OSBPL1A: variants seen among roughly 807,000 people sequenced by gnomAD.
The protein encoded by OSBPL1A is oxysterol-binding protein-related protein 1.
Under a neutral mutation model 137.1 loss-of-function variants are expected in OSBPL1A, and 80 were observed. The observed-to-expected ratio is 0.58, with a 90% confidence interval of 0.49 to 0.70. OSBPL1A has a LOEUF of 0.70. OSBPL1A is among the 30% of genes least tolerant of loss of function. OSBPL1A has a pLI of 0.00. For synonymous variants in OSBPL1A, 365 were observed against 389.7 expected (o/e 0.94, Z 0.75); for missense variants, 970 against 1,129.4 (o/e 0.86, Z 2.02).
chr18:24,187,381 G>A (rs2086779059), intron 18 of OSBPL1A, among the ~76,000 whole-genome samples: 1 of 152,068 alleles, frequency 6.6e-6, no homozygotes, highest in African/African-American at 2.4e-5. Context: ...TGGTGAAGGT[G>A]GTGCCTTTTT....
At chr18:24,294,640 T>G (rs1216244316) in intron 14 of OSBPL1A, among the ~76,000 whole-genome samples, 1 of 152,188 alleles carries the variant, frequency 6.6e-6, no homozygotes, top group African/African-American at 2.4e-5. Context: ...CACTTATAAA[T>G]GAGAACAAAT....
At chr18:24,307,280 C>T (rs2090522139) in intron 13 of OSBPL1A, among the ~76,000 whole-genome samples, 1 of 151,984 alleles carries the variant, frequency 6.6e-6, no homozygotes. Context: ...GAGACCCTGT[C>T]TCAAAAAGAA....
chr18:24,207,695 G>C (rs1408627982), intron 17 of OSBPL1A, among the ~76,000 whole-genome samples: 1 of 152,138 alleles, frequency 6.6e-6, no homozygotes, highest in African/African-American at 2.4e-5. Context: ...GCACTTGTGT[G>C]TGTATAACTA....
At chr18:24,212,909 G>C (rs2087585794) in intron 17 of OSBPL1A, among the ~76,000 whole-genome samples, 1 of 152,168 alleles carries the variant, frequency 6.6e-6, no homozygotes, top group South Asian at 2.1e-4. Context: ...ATTTAGGCTG[G>C]TCTTAAAGAA....
chr18:24,251,091 A>G (rs1373081374), intron 15 of OSBPL1A, among the ~76,000 whole-genome samples: 1 of 152,188 alleles, frequency 6.6e-6, no homozygotes, highest in Non-Finnish European at 1.5e-5. Context: ...TAGCCACAGT[A>G]GAATAGGACA....
chr18:24,176,145 C>A (rs193076099), intron 21 of OSBPL1A, among the ~76,000 whole-genome samples: 64 of 152,316 alleles, frequency 4.2e-4, no homozygotes, highest in African/African-American at 1.5e-3. Flanking sequence ...CCTTTCCATA[C>A]AAACTTAGAA....
intron 15 of OSBPL1A, among the ~76,000 whole-genome samples, chr18:24,256,623 G>T (rs2089282472): frequency 6.6e-6 from 1 of 152,020 alleles, no homozygotes; most frequent in East Asian, 1.9e-4. Context: ...AGAGCAATCA[G>T]ACAATAGAAA....
chr18:24,370,237 A>C (rs966359020), intron 2 of OSBPL1A, among the ~76,000 whole-genome samples: 2 of 151,718 alleles, frequency 1.3e-5, no homozygotes, highest in Non-Finnish European at 2.9e-5. Flanking sequence ...ACAACAAAAA[A>C]CCCACTACTG....
intron 5 of OSBPL1A, among the ~76,000 whole-genome samples, 167 bp downstream of exon 5, chr18:24,341,380 A>G (rs1342867174): frequency 6.6e-6 from 1 of 152,194 alleles, no homozygotes; most frequent in East Asian, 1.9e-4. Flanking sequence ...TGAAGAAACT[A>G]TCATATAGAT....
Position 24,323,985 on chromosome 18 carries a change from T to C in OSBPL1A, c.626-5176A>G, listed in dbSNP as rs1599667571. On this transcript the variant is annotated intron_variant, in intron 7 of 27. Coordinates refer to ENST00000319481, the MANE Select transcript of OSBPL1A (RefSeq NM_080597.4). ...TTGGGTTGGTTCCAAGTCTTTGCTA[T>C]TGTGAATAGTGCCGCAATAAACATA... Among the ~76,000 whole-genome samples, 4 of 66,912 alleles carry C rather than the reference T, an allele frequency of 6.0e-5. 1 individual carries two copies. Among genetic ancestry groups the C allele is most frequent in the East Asian group, 4.4e-4 (2 of 4,568 alleles). 43.9% of individuals were successfully genotyped at this position (66,912 alleles called of 152,430 possible). A position where few individuals can be genotyped will look rare whatever the true frequency, so the allele number is the denominator to read the frequency against.
chr18:24,318,165 G>C (rs934363296), intron 9 of OSBPL1A, among the ~76,000 whole-genome samples: 1 of 152,084 alleles, frequency 6.6e-6, no homozygotes, highest in Non-Finnish European at 1.5e-5. Flanking sequence ...AAAGTGGCTT[G>C]CCAGTCACGG....
At position 24,334,371 on chromosome 18, in the gene OSBPL1A, T is replaced by A. The variant is rs2146144744; in HGVS notation, c.395-41A>T. 6 of 1,475,554 alleles carry A rather than the reference T, an allele frequency of 4.1e-6. No individual in the cohort carries two copies. In the East Asian group the frequency reaches 1.4e-4, roughly 34 times the overall value. 91.4% of individuals were successfully genotyped at this position (1,475,554 alleles called of 1,614,324 possible). On this transcript the variant is annotated intron_variant, in intron 5 of 27. Transcript: ENST00000319481. ...ACTTATTATCCACTGCTAGTCAGGATCCAATTACAAATTCATTATAAAGAA... is the reference window on the plus strand; with the variant it reads ...ACTTATTATCCACTGCTAGTCAGGAACCAATTACAAATTCATTATAAAGAA...
At chr18:24,353,055 A>G (rs1367966719) in intron 4 of OSBPL1A, among the ~76,000 whole-genome samples, 1 of 152,182 alleles carries the variant, frequency 6.6e-6, no homozygotes, top group Non-Finnish European at 1.5e-5. Flanking sequence ...ACAAAAGCCA[A>G]AATTGACAAA....
rs1172514692 is a variant in OSBPL1A, at chr18:24,351,347, C to CAAAAAAAAAAAAAAAAAAAAA, written c.283-9710_283-9690dup. Among the ~76,000 whole-genome samples the CAAAAAAAAAAAAAAAAAAAAA allele has an allele frequency of 1.5e-3, 52 of 35,752 alleles. 1 individual carries two copies. Among genetic ancestry groups the CAAAAAAAAAAAAAAAAAAAAA allele is most frequent in the African/African-American group, 4.1e-3 (40 of 9,836 alleles). The allele number at this position is 35,752 out of a possible 152,430, so 23.5% of individuals were successfully genotyped here. A position where few individuals can be genotyped will look rare whatever the true frequency, so the allele number is the denominator to read the frequency against. On this transcript the variant is annotated intron_variant, in intron 4 of 27. Coordinates refer to ENST00000319481, the MANE Select transcript of OSBPL1A (RefSeq NM_080597.4). ...CTGGACAACAGAGAAGACTCTGTCT[C>CAAAAAAAAAAAAAAAAAAAAA]AAAAAAAAAAAAAAAAAAAAAAGAC...
At chr18:24,344,254 A>C (rs1308564197) in intron 4 of OSBPL1A, among the ~76,000 whole-genome samples, 1 of 152,194 alleles carries the variant, frequency 6.6e-6, no homozygotes, top group Non-Finnish European at 1.5e-5. Flanking sequence ...GTTTGAGACC[A>C]GCCTGGCCAA....
intron 15 of OSBPL1A, among the ~76,000 whole-genome samples, chr18:24,266,958 T>C (rs1335720775): frequency 6.6e-6 from 1 of 151,826 alleles, no homozygotes; most frequent in Admixed American, 6.6e-5. Flanking sequence ...AAATTTAATT[T>C]TAAAAAAGAT....
At chr18:24,234,986 G>GT (rs374097603) in intron 16 of OSBPL1A, among the ~76,000 whole-genome samples, 20 of 152,308 alleles carry the variant, frequency 1.3e-4, no homozygotes, top group African/African-American at 4.8e-4. Context: ...CACTGGTATA[G>GT]TAAGTGGAGG....
intron 4 of OSBPL1A, among the ~76,000 whole-genome samples, chr18:24,353,127 G>T (rs929531462): frequency 1.3e-5 from 2 of 152,132 alleles, no homozygotes; most frequent in Non-Finnish European, 2.9e-5. Context: ...AGAGTGAACA[G>T]GCAACCTACA....
chr18:24,228,543 G>A (rs1351873208), intron 16 of OSBPL1A, among the ~76,000 whole-genome samples: 1 of 152,062 alleles, frequency 6.6e-6, no homozygotes, highest in African/African-American at 2.4e-5. Context: ...ATAAGATCTG[G>A]TCCCTGCGCA....
Sources: gnomAD v4.1 joint callset for allele counts (sites outside exome capture counted in the v4.1 genomes callset) on GRCh38, gnomAD v4.1.1 for gene constraint, MANE v1.5 for transcripts, NCBI Gene and HGNC (gene_info 2026-07-23, HGNC 2026-07-21) for gene names.